Variants in CTNNA2 observed in about 807,000 individuals in gnomAD.
The protein encoded by CTNNA2 is catenin alpha 2.
A neutral mutation model predicts 101.0 loss-of-function variants in CTNNA2; 42 were observed. The observed-to-expected ratio is 0.42, with a 90% CI of 0.32 to 0.54. The LOEUF is 0.54. Among genes scored for constraint, CTNNA2 ranks in the 20% least tolerant of loss-of-function variants. The probability of loss-of-function intolerance (pLI) is 0.14; values close to 1 mark genes in which losing one functional copy is unlikely to be tolerated. For missense variants in CTNNA2, 871 were observed against 1,223.1 expected (o/e 0.71, Z 4.29); for synonymous variants, 450 against 456.4 (o/e 0.99, Z 0.18).
chr2:79,862,236 C>A (rs1421131095), intron 4 of CTNNA2, among the ~76,000 whole-genome samples: 2 of 152,062 alleles, frequency 1.3e-5, no homozygotes, highest in African/African-American at 2.4e-5. Flanking sequence ...TAGCAAGATA[C>A]AAAATAGCAA....
intron 7 of CTNNA2, among the ~76,000 whole-genome samples, chr2:80,085,994 G>A (rs1332785893): frequency 1.3e-5 from 2 of 151,904 alleles, no homozygotes; most frequent in Non-Finnish European, 2.9e-5. Context: ...TAGATGTTTT[G>A]TAAATCACCT....
intron 7 of CTNNA2, among the ~76,000 whole-genome samples, chr2:80,035,550 A>C (rs750718685): frequency 5.9e-5 from 9 of 152,174 alleles, no homozygotes; most frequent in Non-Finnish European, 1.0e-4. Flanking sequence ...CACCCAGTGT[A>C]TTTGTACATT....
At chr2:79,991,253 A>T (rs1018140543) in intron 7 of CTNNA2, among the ~76,000 whole-genome samples, 1 of 152,166 alleles carries the variant, frequency 6.6e-6, no homozygotes, top group African/African-American at 2.4e-5. Context: ...GATGGAGACT[A>T]GTACTTAGAG....
At chr2:79,895,396 T>C (rs1408462134) in intron 6 of CTNNA2, among the ~76,000 whole-genome samples, 2 of 152,224 alleles carry the variant, frequency 1.3e-5, no homozygotes, top group Non-Finnish European at 2.9e-5. Context: ...AGAATATTGG[T>C]ACAATTATTC....
chr2:79,604,552 CAG>C (rs1677762483), intron 1 of CTNNA2, among the ~76,000 whole-genome samples: 1 of 152,122 alleles, frequency 6.6e-6, no homozygotes, highest in Non-Finnish European at 1.5e-5. Flanking sequence ...GAGGGCTGTA[CAG>C]AGAGAGAATT....
At chr2:80,572,330 A>G in intron 12 of CTNNA2, among the ~76,000 whole-genome samples, 1 of 152,114 alleles carries the variant, frequency 6.6e-6, no homozygotes, top group East Asian at 1.9e-4. Context: ...TCAATTTTTA[A>G]TATTTTTCCG....
chr2:79,727,068 C>G (rs1424202571), intron 2 of CTNNA2, among the ~76,000 whole-genome samples: 1 of 152,194 alleles, frequency 6.6e-6, no homozygotes, highest in Non-Finnish European at 1.5e-5. Flanking sequence ...TTAGCAAACC[C>G]AAGACTTCTC....
intron 1 of CTNNA2, among the ~76,000 whole-genome samples, chr2:79,625,710 C>T (rs1322951156): frequency 1.3e-5 from 2 of 151,942 alleles, no homozygotes; most frequent in African/African-American, 4.8e-5. Flanking sequence ...GCTCCTGAGC[C>T]TAAAGAAAGA....
At chr2:80,149,126 G>A (rs1385090746) in intron 7 of CTNNA2, among the ~76,000 whole-genome samples, 1 of 149,748 alleles carries the variant, frequency 6.7e-6, no homozygotes, top group African/African-American at 2.5e-5. Context: ...TCAAATGCTT[G>A]AGCTTAAGGA....
chr2:79,794,807 G>T (rs1459186267), intron 3 of CTNNA2, among the ~76,000 whole-genome samples: 1 of 152,164 alleles, frequency 6.6e-6, no homozygotes, highest in Non-Finnish European at 1.5e-5. Context: ...CCAAAGTCTA[G>T]TATATCTTTC....
chr2:79,261,626 C>A (rs1674923025), intron 2 of CTNNA2, among the ~76,000 whole-genome samples: 1 of 152,232 alleles, frequency 6.6e-6, no homozygotes, highest in African/African-American at 2.4e-5. Context: ...TGTGCCTGCA[C>A]ACAGAGAGGG....
At chr2:80,328,986 C>G (rs1287547393) in intron 7 of CTNNA2, among the ~76,000 whole-genome samples, 3 of 152,126 alleles carry the variant, frequency 2.0e-5, no homozygotes, top group Non-Finnish European at 4.4e-5. Flanking sequence ...ATGCAGTCCA[C>G]CATTGGCCAA....
rs143123594 is a variant in CTNNA2 at position 79,643,400 on chromosome 2, A to T, written c.-5-8152A>T. ...GTTCTTAAAGTGTCGTTCCTGAACC[A>T]GCAGCAGCAGCAGCCTCTGGAAATT... On this transcript the variant is annotated intron_variant, in intron 1 of 18. Transcript: ENST00000402739. Among the ~76,000 whole-genome samples the T allele has an allele frequency of 8.5e-3, 1,291 of 152,246 alleles. 27 individuals carry two copies. The highest frequency in any genetic ancestry group is 0.028 in the African/African-American group (1,173 of 41,564).
At chr2:79,539,020 G>A (rs1471051770) in intron 1 of CTNNA2, among the ~76,000 whole-genome samples, 1 of 152,090 alleles carries the variant, frequency 6.6e-6, no homozygotes, top group Non-Finnish European at 1.5e-5. Flanking sequence ...AGATCAATAA[G>A]GATAAATCCA....
chr2:79,729,454 C>T (rs138852937), intron 2 of CTNNA2, among the ~76,000 whole-genome samples: 10 of 152,196 alleles, frequency 6.6e-5, no homozygotes, highest in African/African-American at 2.4e-4. Flanking sequence ...TCCCCTGACC[C>T]GTGCTGCTTC....
At chr2:79,873,662 G>A (rs1682762926) in intron 5 of CTNNA2, among the ~76,000 whole-genome samples, 1 of 152,154 alleles carries the variant, frequency 6.6e-6, no homozygotes. Context: ...ACTTTGGGAA[G>A]CAGAGGTGGG....
intron 1 of CTNNA2, among the ~76,000 whole-genome samples, chr2:79,635,048 T>A (rs541655207): frequency 6.6e-6 from 1 of 152,184 alleles, no homozygotes; most frequent in Admixed American, 6.5e-5. Context: ...GGGGGTAAGA[T>A]TGAAGGCAAC....
rs567131551 is a variant in CTNNA2, at chr2:80,591,457, G to GTTTTTTTTTTTTT, written c.2189+1981_2189+1993dup. On this transcript the variant is annotated intron_variant, in intron 15 of 18. Coordinates refer to ENST00000402739, the MANE Select transcript of CTNNA2 (RefSeq NM_001282597.3). ...ATTGCTGCCTCCATCTGCACAGCCT[G>GTTTTTTTTTTTTT]TTTTTTTTTTTTTTTTTTTTTGCAA... is the stretch of plus-strand genomic sequence containing the variant. Among the ~76,000 whole-genome samples, 133 of 70,310 alleles carry GTTTTTTTTTTTTT rather than the reference G, an allele frequency of 1.9e-3. 22 individuals carry two copies. Among genetic ancestry groups the GTTTTTTTTTTTTT allele is most frequent in the African/African-American group, 3.1e-3 (69 of 21,922 alleles). 46.1% of individuals were successfully genotyped at this position (70,310 alleles called of 152,430 possible).
intron 3 of CTNNA2, among the ~76,000 whole-genome samples, chr2:79,791,940 GAGA>G (rs1043583508): frequency 4.6e-5 from 7 of 152,160 alleles, no homozygotes; most frequent in Admixed American, 2.6e-4. Flanking sequence ...TCACTCTACG[GAGA>G]AGGACAGGTG....
Sources: gnomAD v4.1 joint callset for allele counts (sites outside exome capture counted in the v4.1 genomes callset) on GRCh38, gnomAD v4.1.1 for gene constraint, MANE v1.5 for transcripts, NCBI Gene and HGNC (gene_info 2026-07-23, HGNC 2026-07-21) for gene names.